Variants in DGLUCY observed in about 807,000 individuals in gnomAD.
DGLUCY encodes the protein D-glutamate cyclase.
In DGLUCY, 58 loss-of-function variants were observed where a neutral mutation model predicts 58.5. That is an observed-to-expected ratio of 0.99 (90% CI 0.80 to 1.23). The LOEUF (loss-of-function observed/expected upper bound fraction) is 1.23. Ranked by LOEUF, DGLUCY falls within the 50% of genes most tolerant of loss-of-function variation. The pLI, the probability that DGLUCY is intolerant of heterozygous loss-of-function variation, is 0.00. For missense variants in DGLUCY, 779 were observed against 784.7 expected, an observed-to-expected ratio of 0.99 and a Z score of 0.09; for synonymous variants, 325 against 314.1, an observed-to-expected ratio of 1.03 and a Z score of -0.37.
upstream of DGLUCY, among the ~76,000 whole-genome samples, chr14:91,112,994 TCTA>T (rs2044734516): frequency 7.2e-5 from 3 of 41,700 alleles, no homozygotes; most frequent in Non-Finnish European, 1.2e-4. Flanking sequence ...TGAGACTACA[TCTA>T]AAAAAAAAAA....
chr14:91,147,427 A>G (rs1429067949), intron 1 of DGLUCY, among the ~76,000 whole-genome samples: 1 of 152,190 alleles, frequency 6.6e-6, no homozygotes, highest in Non-Finnish European at 1.5e-5. Context: ...GGCAGTACAG[A>G]ATAGGGCCCA....
intron 1 of DGLUCY, among the ~76,000 whole-genome samples, chr14:91,076,958 C>T (rs1442086591): frequency 1.3e-5 from 2 of 152,140 alleles, no homozygotes; most frequent in Non-Finnish European, 2.9e-5. Flanking sequence ...TCAGAAAGTT[C>T]CAGTAGGCTG....
intron 12 of DGLUCY, among the ~76,000 whole-genome samples, chr14:91,209,323 A>C (rs572418460): frequency 6.6e-6 from 1 of 152,322 alleles, no homozygotes; most frequent in African/African-American, 2.4e-5. Context: ...TAAAGAACAA[A>C]GGCAATAAAG....
intron 9 of DGLUCY, among the ~76,000 whole-genome samples, chr14:91,195,449 ATAAG>A (rs1384865206): frequency 2.6e-5 from 4 of 152,160 alleles, no homozygotes; most frequent in Non-Finnish European, 4.4e-5. Context: ...TCACTCCAAT[ATAAG>A]TAAGTATCCC....
intron 11 of DGLUCY, among the ~76,000 whole-genome samples, chr14:91,201,720 A>G (rs896801153): frequency 1.3e-5 from 2 of 152,058 alleles, no homozygotes; most frequent in African/African-American, 4.8e-5. Context: ...TTTCAATTAC[A>G]GGCATGAGCC....
At chr14:91,132,550 C>T (rs1424482787) in intron 1 of DGLUCY, among the ~76,000 whole-genome samples, 1 of 151,616 alleles carries the variant, frequency 6.6e-6, no homozygotes, top group Non-Finnish European at 1.5e-5. Flanking sequence ...ACGATCTTGG[C>T]TCACCGCAAC....
chr14:91,220,303 A>G (rs1887264726), intron 13 of DGLUCY: 2 of 360,944 alleles, frequency 5.5e-6, no homozygotes, highest in Non-Finnish European at 5.5e-6. Flanking sequence ...TGATTGGAAG[A>G]TGGAATGAGT....
chr14:91,195,226 C>G (rs960071413), intron 9 of DGLUCY, among the ~76,000 whole-genome samples: 1 of 152,168 alleles, frequency 6.6e-6, no homozygotes, highest in East Asian at 1.9e-4. Context: ...GTCTTAAGCT[C>G]TGTGTGAAGA....
chr14:91,121,440 G>A (rs569024257), intron 1 of DGLUCY, among the ~76,000 whole-genome samples: 11 of 152,054 alleles, frequency 7.2e-5, no homozygotes, highest in Non-Finnish European at 1.0e-4. Flanking sequence ...TGTAATCTCA[G>A]CACGTTGGGA....
In DGLUCY at chr14:91,169,407, C is replaced by CT. The variant is rs869086228; in HGVS notation, c.258-581dup. The stretch of plus-strand genomic sequence containing the variant: ...GCCACCATTTACTTTTCTTCTTCTT[C>CT]TTTTTTTTTTTTTTTCTTTGAGGCA... On this transcript the variant is annotated intron_variant, in intron 4 of 13. Transcript: ENST00000256324. Among the ~76,000 whole-genome samples, 333 of 140,492 alleles carry CT rather than the reference C, an allele frequency of 2.4e-3. 1 individual carries two copies. The highest frequency in any genetic ancestry group is 2.2e-3 in the Non-Finnish European group (141 of 64,478). 92.2% of individuals were successfully genotyped at this position (140,492 alleles called of 152,430 possible). A position where few individuals can be genotyped will look rare whatever the true frequency, so the allele number is the denominator to read the frequency against.
chr14:91,166,775 G>C (rs1039146229), intron 3 of DGLUCY, among the ~76,000 whole-genome samples: 1 of 152,080 alleles, frequency 6.6e-6, no homozygotes, highest in African/African-American at 2.4e-5. Flanking sequence ...TTCAAGGCCA[G>C]CCTGGAATAG....
At chr14:91,067,253 T>G (rs2043839572) in intron 1 of DGLUCY, among the ~76,000 whole-genome samples, 1 of 151,886 alleles carries the variant, frequency 6.6e-6, no homozygotes, top group Middle Eastern at 3.2e-3. Context: ...AAAAAAACAC[T>G]TTTTCATTAG....
upstream of DGLUCY, among the ~76,000 whole-genome samples, chr14:91,106,288 CAA>C (rs2044587486): frequency 2.0e-5 from 3 of 151,472 alleles, no homozygotes; most frequent in South Asian, 6.2e-4. Flanking sequence ...GCCTGGGCAA[CAA>C]GAGAGAAACT....
chr14:91,169,097 T>A lies in DGLUCY; in HGVS notation c.258-906T>A, dbSNP rs201511065. Among the ~76,000 whole-genome samples, 147 of 150,716 alleles carry A rather than the reference T, an allele frequency of 9.8e-4. 1 individual carries two copies. In the East Asian group the frequency reaches 0.02, roughly 20 times the overall value. ...GCAAGACTCTGTCTCAAAAAAAAAA[T>A]AAATAAATAAAAAACATTAAAAAAA... On this transcript the variant is annotated intron_variant, in intron 4 of 13. Coordinates refer to ENST00000256324, the MANE Select transcript of DGLUCY (RefSeq NM_001102368.3).
At position 91,170,152 on chromosome 14, in the gene DGLUCY, G is replaced by A; in HGVS notation, c.407G>A (p.Gly136Glu). 1 of 1,613,666 alleles carries A rather than the reference G, an allele frequency of 6.2e-7. No individual in the cohort carries two copies. The highest frequency in any genetic ancestry group is 8.5e-7 in the Non-Finnish European group (1 of 1,180,034). ...CTGGAGGAGGCCTTGGAGAAAGCGG[G>A]GCTCCCCAGAAGAGACCCAGCAGGT... is the stretch of plus-strand genomic sequence containing the variant. Reference protein sequence around the residue: ...FSLEEALEKAGLPRRDPAGHS... With the variant: ...FSLEEALEKAELPRRDPAGHS... Residue 136 changes from glycine to glutamate, a missense_variant, in exon 5 of 14, where the codon GGG (glycine) becomes GAG (glutamate). Transcript: ENST00000256324.
At chr14:91,206,874 C>CA (rs532871713) in intron 12 of DGLUCY, among the ~76,000 whole-genome samples, 6 of 151,760 alleles carry the variant, frequency 4.0e-5, no homozygotes, top group Non-Finnish European at 5.9e-5. Flanking sequence ...GTCTTCACTG[C>CA]AAAAAATAGG....
At chr14:91,094,855 GAGAACTCA>G (rs2044369547) in intron 1 of DGLUCY, among the ~76,000 whole-genome samples, 2 of 151,994 alleles carry the variant, frequency 1.3e-5, no homozygotes, top group Non-Finnish European at 2.9e-5. Context: ...GGCCTCGAGT[GAGAACTCA>G]AGCCATGATC....
intron 3 of DGLUCY, among the ~76,000 whole-genome samples, chr14:91,165,720 A>G (rs1328426605): frequency 6.6e-6 from 1 of 152,226 alleles, no homozygotes; most frequent in African/African-American, 2.4e-5. Context: ...TAAAAGGAAA[A>G]AGACAGGTAA....
chr14:91,221,363 TGATGGATGCATG>T (rs1473496777), intron 13 of DGLUCY, among the ~76,000 whole-genome samples: 2 of 152,188 alleles, frequency 1.3e-5, no homozygotes, highest in African/African-American at 4.8e-5. Context: ...GATGGAGAGA[TGATGGATGCATG>T]GATGGATGGA....
Sources: allele counts gnomAD v4.1 joint callset (sites outside exome capture counted in the v4.1 genomes callset), GRCh38; gene constraint gnomAD v4.1.1; transcripts MANE v1.5; gene names NCBI Gene and HGNC (gene_info 2026-07-23, HGNC 2026-07-21).